The following MYMK variants were observed in gnomAD, a reference collection of about 807,000 sequenced individuals.
The protein encoded by MYMK is protein myomaker.
Under a neutral mutation model 22.4 loss-of-function variants are expected in MYMK, and 16 were observed. The ratio of observed to expected loss-of-function variants is 0.72; its 90% CI spans 0.48 to 1.09. MYMK has a LOEUF of 1.09. MYMK is among the 50% of genes least tolerant of loss of function. The pLI is 0.00. For synonymous variants in MYMK, 125 were observed against 127.0 expected, an observed-to-expected ratio of 0.98 and a Z score of 0.11; for missense variants, 250 against 295.6, an observed-to-expected ratio of 0.85 and a Z score of 1.13.
chr9:133,517,505 A>C (rs1383862432), intron 3 of MYMK, among the ~76,000 whole-genome samples: 1 of 152,124 alleles, frequency 6.6e-6, no homozygotes, highest in Non-Finnish European at 1.5e-5. Context: ...ATCGCTACTA[A>C]AAATATAAAA....
chr9:133,515,340 G>A lies in MYMK; in HGVS notation c.516+151C>T, dbSNP rs1474556892. The A allele has an allele frequency of 7.7e-6, 5 of 650,250 alleles. No homozygotes were observed. The highest frequency in any genetic ancestry group is 1.8e-5 in the African/African-American group (1 of 55,182). The allele number at this position is 650,250 out of a possible 1,614,324, so 40.3% of individuals were successfully genotyped here. A position where few individuals can be genotyped will look rare whatever the true frequency, so the allele number is the denominator to read the frequency against. ...ACGGCATTGCCCCCGACATAGCCCT[G>A]GGAGGGGCTAGTGAGCAGGGACTAA... On this transcript the variant is annotated intron_variant, in intron 4 of 4. Coordinates refer to ENST00000339996, the MANE Select transcript of MYMK (RefSeq NM_001080483.3). The surrounding 1 kb of genome is among the most constrained non-coding windows in gnomAD (Gnocchi z 5.8).
At chr9:133,518,027 GGGATGTTCA>G (rs1264881203) in intron 3 of MYMK, among the ~76,000 whole-genome samples, 3 of 152,240 alleles carry the variant, frequency 2.0e-5, no homozygotes, top group African/African-American at 7.2e-5. Flanking sequence ...ATGCAGCACA[GGGATGTTCA>G]GGCGGTGCCT....
chr9:133,518,806 G>A (rs1844661502), intron 3 of MYMK, 68 bp downstream of exon 3: 2 of 1,555,340 alleles, frequency 1.3e-6, no homozygotes, highest in African/African-American at 2.7e-5. Flanking sequence ...CGAGGCAGGA[G>A]GAGTCAGACA....
At chr9:133,520,552 A>G (rs1844691285) in intron 1 of MYMK, among the ~76,000 whole-genome samples, 2 of 152,320 alleles carry the variant, frequency 1.3e-5, no homozygotes, top group Admixed American at 6.5e-5. Context: ...ATGTCACCTC[A>G]GCAGAATTCG....
rs184946771 is a variant in MYMK, at chr9:133,519,723, C to T, written c.250+451G>A. Among the ~76,000 whole-genome samples the T allele has an allele frequency of 4.9e-4, 74 of 151,954 alleles. No individual in the cohort carries two copies. The East Asian group carries it at 7.3e-3, about 15-fold the overall frequency. On this transcript the variant is annotated intron_variant, in intron 2 of 4. Coordinates refer to ENST00000339996, the MANE Select transcript of MYMK (RefSeq NM_001080483.3). ...GGGACCTTGCCACAGACAACAGTTA[C>T]GTGGAAAAAAACATGGTGGGAAAGG...
At position 133,515,443 on chromosome 9, in the gene MYMK, G is replaced by T. The variant is rs1439243450; in HGVS notation, c.516+48C>A. The T allele has an allele frequency of 1.5e-6, 2 of 1,303,994 alleles. No homozygotes were observed. Among genetic ancestry groups the T allele is most frequent in the Non-Finnish European group, 1.1e-6 (1 of 902,674 alleles). 80.8% of individuals were successfully genotyped at this position (1,303,994 alleles called of 1,614,324 possible). The stretch of plus-strand genomic sequence containing the variant: ...TGGTATCCCAGCTGAGCAGAGCCAT[G>T]CCGAGTGGGCTCTGGGGCACAGGAC... On this transcript the variant is annotated intron_variant, in intron 4 of 4. Transcript: ENST00000339996. The surrounding 1 kb of genome is among the most constrained non-coding windows in gnomAD (Gnocchi z 5.8).
chr9:133,518,775 G>A (rs1020071539), intron 3 of MYMK, 99 bp downstream of exon 3: 1 of 1,476,024 alleles, frequency 6.8e-7, no homozygotes, highest in African/African-American at 1.4e-5. Flanking sequence ...TGCCTATGAG[G>A]GCAGGAGGTA....
chr9:133,520,470 G>T (rs1452978076), intron 1 of MYMK, among the ~76,000 whole-genome samples, 182 bp from the exon 2 acceptor site: 1 of 152,248 alleles, frequency 6.6e-6, no homozygotes, highest in Non-Finnish European at 1.5e-5. Context: ...CTCCCGCAGA[G>T]GGTCCTGTGG....
chr9:133,521,646 C>T (rs202053366), intron 1 of MYMK, among the ~76,000 whole-genome samples: 6 of 152,252 alleles, frequency 3.9e-5, no homozygotes, highest in East Asian at 3.9e-4. Flanking sequence ...CTGGGAAAGA[C>T]GCGGCTAGAG....
rs114052413 is a variant in MYMK at position 133,514,828 on chromosome 9, C to G, written c.517-43G>C. The stretch of plus-strand genomic sequence containing the variant: ...TCAGTCTGGGGCCTCAGCCCCCTCC[C>G]CGAGGCTCCTCCCTCTCCAAGACCC... On this transcript the variant is annotated intron_variant, in intron 4 of 4. Coordinates refer to ENST00000339996, the MANE Select transcript of MYMK (RefSeq NM_001080483.3). 101 of 1,590,104 alleles carry G rather than the reference C, an allele frequency of 6.4e-5. No individual in the cohort carries two copies. In the African/African-American group the frequency reaches 1.2e-3, roughly 20 times the overall value.
chr9:133,514,603 G>A lies in MYMK; in HGVS notation c.*33C>T, dbSNP rs1306071185. On this transcript the variant is annotated 3_prime_UTR_variant, in exon 5 of 5. Transcript: ENST00000339996. ...ACTCTGGCCAAGTGTGAGCTGGGGA[G>A]GGCAGGGGCTCAGAGCCGGGCTGGG... 7 of 1,598,548 alleles carry A rather than the reference G, an allele frequency of 4.4e-6. No individual in the cohort carries two copies. Among genetic ancestry groups the A allele is most frequent in the Non-Finnish European group, 6.0e-6 (7 of 1,171,748 alleles).
intron 1 of MYMK, 71 bp from the exon 2 acceptor site, chr9:133,520,359 G>T: frequency 8.1e-7 from 1 of 1,232,622 alleles, no homozygotes; most frequent in Non-Finnish European, 1.2e-6. Flanking sequence ...GGCCCCCAGA[G>T]TGCCAGGTCA....
intron 3 of MYMK, among the ~76,000 whole-genome samples, chr9:133,516,123 C>T (rs190336688): frequency 6.6e-6 from 1 of 152,362 alleles, no homozygotes; most frequent in Admixed American, 6.5e-5. Context: ...AGCACTGCTT[C>T]TCAGGTCCCA....
intron 1 of MYMK, among the ~76,000 whole-genome samples, chr9:133,520,638 G>A (rs1226288468): frequency 4.6e-5 from 7 of 151,964 alleles, no homozygotes; most frequent in Non-Finnish European, 7.4e-5. Flanking sequence ...GGCGGTCTCC[G>A]GGAGGGACCC....
At chr9:133,520,110 G>T in intron 2 of MYMK, 64 bp downstream of exon 2, 1 of 1,292,246 alleles carries the variant, frequency 7.7e-7, no homozygotes, top group Non-Finnish European at 1.1e-6. Flanking sequence ...TTGAGGCTGG[G>T]TGTGCGGACA....
At chr9:133,519,872 G>A (rs890382764) in intron 2 of MYMK, among the ~76,000 whole-genome samples, 11 of 152,336 alleles carry the variant, frequency 7.2e-5, no homozygotes, top group Middle Eastern at 3.4e-3. Flanking sequence ...AAGGAGTGAC[G>A]GGAGGGAGCC....
intron 3 of MYMK, among the ~76,000 whole-genome samples, chr9:133,518,354 T>A (rs1347813944): frequency 6.6e-6 from 1 of 152,132 alleles, no homozygotes; most frequent in Admixed American, 6.5e-5. Flanking sequence ...TACCACACTC[T>A]CCCTCCTGGC....
chr9:133,517,863 G>A (rs999855492), intron 3 of MYMK, among the ~76,000 whole-genome samples: 5 of 152,186 alleles, frequency 3.3e-5, no homozygotes, highest in Non-Finnish European at 7.3e-5. Context: ...CCCCACAGCC[G>A]TGGGCCCTCC....
chr9:133,523,677 T>G (rs1396102111), intron 1 of MYMK, among the ~76,000 whole-genome samples: 149 of 83,764 alleles, frequency 1.8e-3, no homozygotes, highest in African/African-American at 4.5e-3. Flanking sequence ...GATAGAGAGA[T>G]AGATGGAGAG....
Sources: allele counts gnomAD v4.1 joint callset (sites outside exome capture counted in the v4.1 genomes callset), GRCh38; gene constraint gnomAD v4.1.1; non-coding constraint Gnocchi (gnomAD v3.1); transcripts MANE v1.5; gene names NCBI Gene and HGNC (gene_info 2026-07-23, HGNC 2026-07-21).